ZNF521: variants seen among roughly 807,000 people sequenced by gnomAD.
The protein encoded by ZNF521 is LYST-interacting protein 3.
In ZNF521, 14 loss-of-function variants were observed where a neutral mutation model predicts 105.5. The ratio of observed to expected loss-of-function variants is 0.13; its 90% CI spans 0.09 to 0.21. The LOEUF (loss-of-function observed/expected upper bound fraction) is 0.21. ZNF521 is among the 10% of genes least tolerant of loss of function. The pLI, the probability that ZNF521 is intolerant of heterozygous loss-of-function variation, is 1.00. For synonymous variants in ZNF521, 635 were observed against 606.0 expected, an observed-to-expected ratio of 1.05 and a Z score of -0.70; for missense variants, 1,233 against 1,629.7, an observed-to-expected ratio of 0.76 and a Z score of 4.19.
In ZNF521 at chr18:25,236,109, A is replaced by G. The variant is rs150302463; in HGVS notation, c.221-8412T>C. Among the ~76,000 whole-genome samples the G allele has an allele frequency of 7.5e-3, 1,142 of 152,258 alleles. 14 individuals carry two copies. Among genetic ancestry groups the G allele is most frequent in the African/African-American group, 0.023 (942 of 41,534 alleles). ...GTCAGGCTGTTTTCATAGGGTGAAA[A>G]AGCCACTGAGATCGCTAGTGAGTAC... On this transcript the variant is annotated intron_variant, in intron 3 of 7. Coordinates refer to ENST00000361524, the MANE Select transcript of ZNF521 (RefSeq NM_015461.3).
rs2035194823 is a variant in ZNF521 at position 25,158,765 on chromosome 18, G to T, written c.3658+36395C>A. ...GAGGCCAGGCGTTCAAGACCAGCCTGGCCAACGTGGTGAAACCCCATCTCT... is the reference window on the plus strand; with the variant it reads ...GAGGCCAGGCGTTCAAGACCAGCCTTGCCAACGTGGTGAAACCCCATCTCT... On this transcript the variant is annotated intron_variant, in intron 5 of 7. Coordinates refer to ENST00000361524, the MANE Select transcript of ZNF521 (RefSeq NM_015461.3). Among the ~76,000 whole-genome samples, 3 of 152,042 alleles carry T rather than the reference G, an allele frequency of 2.0e-5. No individual in the cohort carries two copies. In the South Asian group the frequency reaches 6.2e-4, roughly 32 times the overall value.
intron 2 of ZNF521, among the ~76,000 whole-genome samples, chr18:25,329,067 T>TA (rs1450374587): frequency 6.6e-6 from 1 of 152,226 alleles, no homozygotes; most frequent in Non-Finnish European, 1.5e-5. Context: ...CTTGAGCACC[T>TA]ATGTGGTTAA....
At position 25,225,159 on chromosome 18, in the gene ZNF521, T is replaced by C; in HGVS notation, c.2759A>G (p.Lys920Arg). ...CCCTTTAATGAGCTCAGCTTTCTTT[T>C]TCACGATGGCACTTTCTCCAGGTCT... ...NIRPGESAIV[K>R]KKAELIKGNY... Residue 920 changes from lysine (K) to arginine (R), a missense_variant, in exon 4 of 8, where the codon AAA becomes AGA. Transcript: ENST00000361524. This position sits in a 1 kb window ranked among gnomAD's most constrained non-coding sequence, Gnocchi z 5.6. The C allele has an allele frequency of 6.2e-7, 1 of 1,614,154 alleles. No individual in the cohort carries two copies. Among genetic ancestry groups the C allele is most frequent in the South Asian group, 1.1e-5 (1 of 91,068 alleles).
At chr18:25,207,673 C>T (rs1239437784) in intron 4 of ZNF521, among the ~76,000 whole-genome samples, 1 of 152,076 alleles carries the variant, frequency 6.6e-6, no homozygotes, top group African/African-American at 2.4e-5. Context: ...TATATGTACA[C>T]CTAAAAGTAA....
intron 7 of ZNF521, among the ~76,000 whole-genome samples, chr18:25,084,098 A>G (rs1308797854): frequency 6.6e-6 from 1 of 151,590 alleles, no homozygotes; most frequent in Admixed American, 6.6e-5. Context: ...AATATTTTTA[A>G]TAAGTATATT....
At chr18:25,305,346 A>T (rs1911918497) in intron 3 of ZNF521, among the ~76,000 whole-genome samples, 1 of 152,362 alleles carries the variant, frequency 6.6e-6, no homozygotes, top group East Asian at 1.9e-4. Context: ...AAAGTTGCAT[A>T]GATAATTCTG....
At chr18:25,289,442 A>T (rs1018069988) in intron 3 of ZNF521, among the ~76,000 whole-genome samples, 2 of 152,110 alleles carry the variant, frequency 1.3e-5, no homozygotes, top group African/African-American at 4.8e-5. Context: ...TCAATGAGGA[A>T]GGCGAGCACG....
intron 3 of ZNF521, among the ~76,000 whole-genome samples, chr18:25,304,938 A>G (rs1911888586): frequency 6.6e-6 from 1 of 152,208 alleles, no homozygotes. Context: ...CATGACTCAC[A>G]TTTCTTTTGT....
At chr18:25,089,715 AG>A (rs1377340697) in intron 6 of ZNF521, 135 bp from the exon 7 acceptor site, 3 of 685,356 alleles carry the variant, frequency 4.4e-6, no homozygotes, top group Non-Finnish European at 7.8e-6. Context: ...ACCTGGGGAG[AG>A]CTGAGTCACA....
chr18:25,129,611 G>GT (rs2034603151), intron 5 of ZNF521, among the ~76,000 whole-genome samples: 1 of 151,740 alleles, frequency 6.6e-6, no homozygotes, highest in South Asian at 2.1e-4. Context: ...TCTAAAATAT[G>GT]TAATAGTCTT....
At chr18:25,140,800 G>C (rs1484926112) in intron 5 of ZNF521, among the ~76,000 whole-genome samples, 1 of 152,146 alleles carries the variant, frequency 6.6e-6, no homozygotes, top group African/African-American at 2.4e-5. Context: ...AGAAAACAAA[G>C]TGCACATACA....
intron 4 of ZNF521, among the ~76,000 whole-genome samples, chr18:25,209,475 A>T (rs1011230417): frequency 2.6e-5 from 4 of 152,146 alleles, no homozygotes; most frequent in African/African-American, 9.7e-5. Flanking sequence ...AAAAAGAGAG[A>T]CAATTTTTAC....
intron 3 of ZNF521, among the ~76,000 whole-genome samples, chr18:25,236,675 A>T (rs1305510730): frequency 6.6e-6 from 1 of 152,222 alleles, no homozygotes; most frequent in Non-Finnish European, 1.5e-5. Flanking sequence ...CAACAGAATT[A>T]TTACCTTTCA....
chr18:25,332,918 T>C (rs1277927582), intron 2 of ZNF521, among the ~76,000 whole-genome samples: 1 of 152,182 alleles, frequency 6.6e-6, no homozygotes, highest in Non-Finnish European at 1.5e-5. Context: ...GTGTACGCCA[T>C]TATCATAGTA....
chr18:25,125,194 C>T (rs1481638573), intron 5 of ZNF521, among the ~76,000 whole-genome samples: 2 of 152,010 alleles, frequency 1.3e-5, no homozygotes, highest in Non-Finnish European at 2.9e-5. Context: ...TTTTTATTTT[C>T]AGTGAAATTT....
intron 3 of ZNF521, among the ~76,000 whole-genome samples, chr18:25,314,280 C>T (rs1403206993): frequency 6.6e-6 from 1 of 152,188 alleles, no homozygotes; most frequent in African/African-American, 2.4e-5. Context: ...CTTATTCCCA[C>T]TGCCAACAGA....
chr18:25,239,798 G>C (rs201013180), intron 3 of ZNF521, among the ~76,000 whole-genome samples: 1 of 152,174 alleles, frequency 6.6e-6, no homozygotes, highest in East Asian at 1.9e-4. Context: ...GGAGGAGAAG[G>C]AGGGCTTGAT....
intron 5 of ZNF521, among the ~76,000 whole-genome samples, chr18:25,177,141 T>C (rs1460105927): frequency 6.6e-6 from 1 of 152,240 alleles, no homozygotes; most frequent in African/African-American, 2.4e-5. Flanking sequence ...TTGTACACTT[T>C]AAACTTACCC....
intron 5 of ZNF521, among the ~76,000 whole-genome samples, chr18:25,109,914 T>C (rs4432322): frequency 0.6 from 90,719 of 152,120 alleles, 27,889 homozygotes; most frequent in South Asian, 0.77. Context: ...GTTTATCCTG[T>C]TGATTATTTC....
Sources: gnomAD v4.1 joint callset for allele counts (sites outside exome capture counted in the v4.1 genomes callset) on GRCh38, gnomAD v4.1.1 for gene constraint, Gnocchi (gnomAD v3.1) non-coding constraint, MANE v1.5 for transcripts, NCBI Gene and HGNC (gene_info 2026-07-23, HGNC 2026-07-21) for gene names.